AVEN: variants seen among roughly 807,000 people sequenced by gnomAD.
The protein encoded by AVEN is apoptosis and caspase activation inhibitor.
A neutral mutation model predicts 38.1 loss-of-function variants in AVEN; 41 were observed. The ratio of observed to expected loss-of-function variants is 1.08; its 90% CI spans 0.84 to 1.40. The LOEUF is 1.40. Ranked by LOEUF, AVEN falls within the 40% of genes most tolerant of loss-of-function variation. AVEN has a pLI of 0.00. For missense variants in AVEN, 605 were observed against 438.8 expected (o/e 1.38, Z -3.38); for synonymous variants, 206 against 171.8 (o/e 1.20, Z -1.56).
rs115998096 is a variant in AVEN, at chr15:34,056,723, C to T, written n.1637+6199G>A. Among the ~76,000 whole-genome samples, 280 of 152,118 alleles carry T rather than the reference C, an allele frequency of 1.8e-3. 1 individual carries two copies. The highest frequency in any genetic ancestry group is 6.5e-3 in the African/African-American group (270 of 41,512). On this transcript the variant is annotated intron_variant and non_coding_transcript_variant, in intron 5 of 11. Transcript: ENST00000675287. The stretch of plus-strand genomic sequence containing the variant: ...GTTATGTTCCTAGAGGTAGAGCGCC[C>T]ACCAAAAAAACTAAAGAGGAAGGGC...
At chr15:33,893,951 A>ATG (rs34900043) in intron 2 of AVEN, among the ~76,000 whole-genome samples, 1 of 142,312 alleles carries the variant, frequency 7.0e-6, no homozygotes, top group Non-Finnish European at 1.5e-5. Flanking sequence ...TGATGCCAAG[A>ATG]TTTTTTTTTT....
chr15:33,862,944 C>T (rs1888958127), downstream of AVEN, among the ~76,000 whole-genome samples: 1 of 152,220 alleles, frequency 6.6e-6, no homozygotes, highest in East Asian at 1.9e-4. Context: ...AAAAAGATAA[C>T]TTTACTGTGC....
intron 5 of AVEN, among the ~76,000 whole-genome samples, chr15:34,055,264 G>A (rs1350438437): frequency 6.6e-6 from 1 of 151,394 alleles, no homozygotes; most frequent in African/African-American, 2.4e-5. Context: ...TTGGGAGGCC[G>A]AGGTGGGTGG....
downstream of AVEN, chr15:33,864,338 G>C (rs888153025): frequency 6.4e-6 from 4 of 622,894 alleles, no homozygotes; most frequent in Non-Finnish European, 1.1e-5. Flanking sequence ...TCAATAAGAA[G>C]CCAAAGTCCT....
intron 1 of AVEN, among the ~76,000 whole-genome samples, chr15:34,026,572 A>C (rs1400758175): frequency 6.6e-6 from 1 of 152,138 alleles, no homozygotes; most frequent in Non-Finnish European, 1.5e-5. Flanking sequence ...TAAAAAATAT[A>C]AACTATAAAT....
At chr15:33,857,735 G>T, downstream of AVEN, 2 of 1,611,404 alleles carry the variant, frequency 1.2e-6, no homozygotes, top group South Asian at 1.1e-5. Flanking sequence ...TTTCAAGGTA[G>T]AGAAGACCCC....
chr15:33,867,900 C>CA (rs1890735514), intron 4 of AVEN, 45 bp from the exon 5 acceptor site: 2 of 1,522,706 alleles, frequency 1.3e-6, no homozygotes, highest in African/African-American at 1.4e-5. Flanking sequence ...TGAGTCTTGC[C>CA]ATATTGGCTT....
chr15:33,901,397 A>G (rs1167564580), intron 2 of AVEN, among the ~76,000 whole-genome samples: 1 of 152,148 alleles, frequency 6.6e-6, no homozygotes, highest in Non-Finnish European at 1.5e-5. Flanking sequence ...CACACGTTTT[A>G]TCTATTTGCC....
intron 5 of AVEN, among the ~76,000 whole-genome samples, chr15:34,049,062 C>T (rs1301922854): frequency 2.0e-5 from 3 of 152,164 alleles, no homozygotes; most frequent in Non-Finnish European, 4.4e-5. Context: ...TCAGCAACCT[C>T]AAAGCTCAAA....
chr15:33,865,501 G>C (rs1447115957), downstream of AVEN: 3 of 384,406 alleles, frequency 7.8e-6, no homozygotes, highest in Admixed American at 1.3e-4. Context: ...CCAGTTCTGA[G>C]GTAACTAGTT....
At position 34,047,226 on chromosome 15, in the gene AVEN, C is replaced by T. The variant is rs1413021504; in HGVS notation, n.1637+15696G>A. Reference sequence around the variant, plus strand: ...CCGAGTAGCTGGGACTACAGGCGCCCGCCACCATGCCCTGCTAACTTTTTG... The same window carrying T: ...CCGAGTAGCTGGGACTACAGGCGCCTGCCACCATGCCCTGCTAACTTTTTG... On this transcript the variant is annotated intron_variant and non_coding_transcript_variant, in intron 5 of 11. Transcript: ENST00000675287. Among the ~76,000 whole-genome samples, 6 of 152,124 alleles carry T rather than the reference C, an allele frequency of 3.9e-5. No homozygotes were observed. In the East Asian group the frequency reaches 9.7e-4, roughly 25 times the overall value.
intron 2 of AVEN, among the ~76,000 whole-genome samples, chr15:33,934,217 A>G (rs1010491612): frequency 4.6e-5 from 7 of 152,030 alleles, no homozygotes; most frequent in African/African-American, 1.7e-4. Flanking sequence ...CTACAAAAAA[A>G]AAAAAAAATT....
chr15:33,883,160 G>A (rs1391041851), intron 2 of AVEN, among the ~76,000 whole-genome samples: 1 of 152,132 alleles, frequency 6.6e-6, no homozygotes, highest in East Asian at 1.9e-4. Context: ...ACTCTATTCT[G>A]GCAGAGCCAG....
intron 2 of AVEN, among the ~76,000 whole-genome samples, chr15:33,975,610 T>C (rs530661825): frequency 6.6e-6 from 1 of 152,224 alleles, no homozygotes; most frequent in African/African-American, 2.4e-5. Context: ...CAGAATTCAG[T>C]GTGAGAAAAC....
chr15:34,015,221 C>T lies in AVEN; in HGVS notation c.268-12012G>A, dbSNP rs1435899094. ...AAAATAGGCCGGGCGCAGTGGCTCA[C>T]GCCTGTAATCCCAGCACTTTCGGAG... On this transcript the variant is annotated intron_variant, in intron 1 of 5. Coordinates refer to ENST00000306730, the MANE Select transcript of AVEN (RefSeq NM_020371.3). Among the ~76,000 whole-genome samples, 4 of 152,130 alleles carry T rather than the reference C, an allele frequency of 2.6e-5. No individual in the cohort carries two copies. The South Asian group carries it at 6.2e-4, about 24-fold the overall frequency.
Position 33,873,500 on chromosome 15 carries a change from AAT to A in AVEN, c.516+2423_516+2424del, listed in dbSNP as rs918256708. The stretch of plus-strand genomic sequence containing the variant: ...GTGTGTGTACATATATATAATATAT[AAT>A]ATATATATACACTCAACATATAATA... On this transcript the variant is annotated intron_variant, in intron 3 of 5. Coordinates refer to ENST00000306730, the MANE Select transcript of AVEN (RefSeq NM_020371.3). 2.8e-3 allele frequency among the ~76,000 whole-genome samples: 417 copies of A among 147,972 alleles called. 3 individuals carry two copies. Among genetic ancestry groups the A allele is most frequent in the African/African-American group, 9.8e-3 (400 of 40,726 alleles).
intron 2 of AVEN, among the ~76,000 whole-genome samples, chr15:33,958,649 T>C (rs1895053534): frequency 6.6e-6 from 1 of 151,754 alleles, no homozygotes; most frequent in Non-Finnish European, 1.5e-5. Context: ...CTTTTCCCCA[T>C]ACAGCCAATC....
At chr15:33,971,644 A>G (rs1017595082) in intron 2 of AVEN, among the ~76,000 whole-genome samples, 8 of 152,078 alleles carry the variant, frequency 5.3e-5, no homozygotes, top group Admixed American at 4.6e-4. Flanking sequence ...ACATTGCATA[A>G]TATTTTTAAA....
chr15:33,879,697 C>T (rs1328920985), intron 2 of AVEN, among the ~76,000 whole-genome samples: 6 of 152,104 alleles, frequency 3.9e-5, no homozygotes, highest in East Asian at 1.9e-4. Flanking sequence ...TGAAATCCTA[C>T]GGAATTGATC....
Sources: gnomAD v4.1 joint callset for allele counts (sites outside exome capture counted in the v4.1 genomes callset) on GRCh38, gnomAD v4.1.1 for gene constraint, MANE v1.5 for transcripts, NCBI Gene and HGNC (gene_info 2026-07-23, HGNC 2026-07-21) for gene names.